Variants in ZNF536 observed in about 807,000 individuals in gnomAD.
ZNF536 encodes zinc finger protein 536.
In ZNF536, 13 loss-of-function variants were observed where a neutral mutation model predicts 84.5. The observed-to-expected ratio is 0.15, with a 90% CI of 0.10 to 0.24. The LOEUF (loss-of-function observed/expected upper bound fraction) is 0.24, where lower values mean the gene tolerates loss of function less well. Among genes scored for constraint, ZNF536 ranks in the 10% least tolerant of loss-of-function variants. ZNF536 has a pLI of 1.00. For synonymous variants in ZNF536, 811 were observed against 742.5 expected (o/e 1.09, Z -1.50); for missense variants, 1,536 against 1,747.5 (o/e 0.88, Z 2.16).
rs1336429749 is a variant in ZNF536 at position 30,648,083 on chromosome 19, G to T, written c.170-62674G>T. Among the ~76,000 whole-genome samples, 3 of 152,138 alleles carry T rather than the reference G, an allele frequency of 2.0e-5. 1 individual carries two copies. Among genetic ancestry groups the T allele is most frequent in the African/African-American group, 7.2e-5 (3 of 41,428 alleles). On this transcript the variant is annotated intron_variant, in intron 1 of 1. Transcript: ENST00000592773. Reference sequence around the variant, plus strand: ...GGCTCGCTCCCCTTCAGGCTGTACTGTGGGCTCATCCTCAGATGGAATTTC... The same window carrying T: ...GGCTCGCTCCCCTTCAGGCTGTACTTTGGGCTCATCCTCAGATGGAATTTC...
At chr19:30,694,494 C>T (rs74894498) in intron 1 of ZNF536, among the ~76,000 whole-genome samples, 2,024 of 152,234 alleles carry the variant, frequency 0.013, 59 homozygotes, top group African/African-American at 0.046. Context: ...GGCCCACAGG[C>T]GCCTGGCTGG....
intron 1 of ZNF536, among the ~76,000 whole-genome samples, chr19:30,586,111 G>T (rs1023757964): frequency 3.3e-5 from 5 of 152,106 alleles, no homozygotes; most frequent in Non-Finnish European, 5.9e-5. Flanking sequence ...ATGTATATTT[G>T]GGCAAGTTAC....
At chr19:30,408,735 C>T (rs1368366162) in intron 1 of ZNF536, among the ~76,000 whole-genome samples, 1 of 151,288 alleles carries the variant, frequency 6.6e-6, no homozygotes, top group Non-Finnish European at 1.5e-5. Context: ...ATCATTGATC[C>T]ATCGGTCCAT....
At position 30,572,206 on chromosome 19, in the gene ZNF536, G is replaced by C. The variant is rs145896331; in HGVS notation, c.169+22692G>C. 2.6e-4 allele frequency among the ~76,000 whole-genome samples: 39 copies of C among 152,324 alleles called. 1 individual carries two copies. The East Asian group carries it at 7.5e-3, about 29-fold the overall frequency. On this transcript the variant is annotated intron_variant, in intron 1 of 1. Coordinates refer to the ZNF536 transcript ENST00000592773. ...AAAGTACTGAAAGAGCCCTTCTCTGGAAAAGGAACTCTCCCTACTGCTTCC... is the reference window on the plus strand; with the variant it reads ...AAAGTACTGAAAGAGCCCTTCTCTGCAAAAGGAACTCTCCCTACTGCTTCC...
At chr19:30,634,156 C>T (rs929371399) in intron 1 of ZNF536, among the ~76,000 whole-genome samples, 10 of 152,170 alleles carry the variant, frequency 6.6e-5, no homozygotes, top group African/African-American at 2.4e-4. Context: ...CTTTCTCTCC[C>T]GCCTCTTGGT....
intron 1 of ZNF536, among the ~76,000 whole-genome samples, chr19:30,631,579 C>G (rs1458882086): frequency 6.6e-6 from 1 of 152,188 alleles, no homozygotes; most frequent in Admixed American, 6.5e-5. Context: ...AGTTTTATGC[C>G]TCCACCATTA....
In ZNF536 at chr19:30,507,133, G is replaced by C. The variant is rs896867935; in HGVS notation, c.2171-27714G>C. On this transcript the variant is annotated intron_variant, in intron 2 of 4. Coordinates refer to ENST00000355537, the MANE Select transcript of ZNF536 (RefSeq NM_014717.3). ...TCCCAGCACTTCAGGAGGTGGAGGC[G>C]GGTGGATCACCTGATGTCAGGAGTT... Among the ~76,000 whole-genome samples the C allele has an allele frequency of 3.3e-5, 5 of 152,282 alleles. No individual in the cohort carries two copies. The South Asian group carries it at 6.2e-4, about 19-fold the overall frequency.
intron 1 of ZNF536, among the ~76,000 whole-genome samples, chr19:30,230,763 G>T (rs2022975935): frequency 6.6e-6 from 1 of 152,120 alleles, no homozygotes; most frequent in South Asian, 2.1e-4. Context: ...TCAGCTCCAC[G>T]AGCCCATTCA....
intron 1 of ZNF536, among the ~76,000 whole-genome samples, chr19:30,617,366 T>TTTTTTTTTTTTTTTTTTTTTTA (rs869281886): frequency 1.7e-5 from 2 of 115,916 alleles, no homozygotes; most frequent in Admixed American, 9.1e-5. Context: ...TTTTTTTTTT[T>TTTTTTTTTTTTTTTTTTTTTTA]ATGAGATGGA....
At chr19:30,668,243 T>G (rs2050408265) in intron 1 of ZNF536, among the ~76,000 whole-genome samples, 2 of 152,204 alleles carry the variant, frequency 1.3e-5, no homozygotes, top group Admixed American at 1.3e-4. Flanking sequence ...CTACACCATG[T>G]AGAGATTCCA....
At chr19:30,605,687 C>T (rs991045775) in intron 1 of ZNF536, among the ~76,000 whole-genome samples, 23 of 152,104 alleles carry the variant, frequency 1.5e-4, no homozygotes, top group African/African-American at 5.3e-4. Flanking sequence ...ACTTTTTTTC[C>T]TCTGGGTAGA....
intron 2 of ZNF536, among the ~76,000 whole-genome samples, chr19:30,513,346 G>A (rs190068017): frequency 2.6e-5 from 4 of 152,238 alleles, no homozygotes; most frequent in Admixed American, 1.3e-4. Flanking sequence ...TTGGAGTTGC[G>A]CTTAGGAGTC....
intron 1 of ZNF536, among the ~76,000 whole-genome samples, chr19:30,657,529 C>T (rs2049960312): frequency 6.6e-6 from 1 of 152,226 alleles, no homozygotes. Context: ...GACCCTCTCT[C>T]CCTTCTTTGC....
intron 1 of ZNF536, among the ~76,000 whole-genome samples, chr19:30,264,360 A>AGGGGGTTTCACACCC: frequency 7.4e-6 from 1 of 135,074 alleles, no homozygotes; most frequent in East Asian, 2.5e-4. Context: ...CCCTCCCCTG[A>AGGGGGTTTCACACCC]TCCCCCCAGG....
chr19:30,693,335 TC>T (rs1194401461), intron 1 of ZNF536, among the ~76,000 whole-genome samples: 1 of 151,524 alleles, frequency 6.6e-6, no homozygotes, highest in African/African-American at 2.4e-5. Flanking sequence ...GAGGTTTTTT[TC>T]CCCCTCCCCC....
intron 3 of ZNF536, among the ~76,000 whole-genome samples, chr19:30,353,629 G>C (rs577149770): frequency 6.6e-6 from 1 of 152,230 alleles, no homozygotes; most frequent in East Asian, 1.9e-4. Context: ...GAGCTGTTTG[G>C]CTAGTTCCTT....
intron 1 of ZNF536, among the ~76,000 whole-genome samples, chr19:30,398,181 A>G (rs2049898114): frequency 6.6e-6 from 1 of 152,158 alleles, no homozygotes. Context: ...ACGTCTGTAG[A>G]TTCCGTAACC....
At chr19:30,606,530 C>T (rs2047898413) in intron 1 of ZNF536, among the ~76,000 whole-genome samples, 2 of 152,116 alleles carry the variant, frequency 1.3e-5, no homozygotes, top group South Asian at 4.1e-4. Context: ...GTAAGCAGGG[C>T]ATGTTTATTC....
intron 2 of ZNF536, among the ~76,000 whole-genome samples, chr19:30,507,610 AG>A (rs946150315): frequency 9.2e-5 from 14 of 152,298 alleles, no homozygotes; most frequent in African/African-American, 3.4e-4. Flanking sequence ...ATAGAGAAAA[AG>A]GGTTCCAAAA....
Sources: gnomAD v4.1 joint callset for allele counts (sites outside exome capture counted in the v4.1 genomes callset) on GRCh38, gnomAD v4.1.1 for gene constraint, MANE v1.5 for transcripts, NCBI Gene and HGNC (gene_info 2026-07-23, HGNC 2026-07-21) for gene names.